The following LNX1 variants were observed in gnomAD, a reference collection of about 807,000 sequenced individuals.
LNX1 encodes the protein E3 ubiquitin-protein ligase LNX.
A neutral mutation model predicts 68.4 loss-of-function variants in LNX1; 54 were observed. That is an observed-to-expected ratio of 0.79 (90% CI 0.63 to 0.99). The LOEUF is 0.99. Among genes scored for constraint, LNX1 ranks in the 50% least tolerant of loss-of-function variants. The pLI is 0.00. For missense variants in LNX1, 906 were observed against 926.4 expected (o/e 0.98, Z 0.29); for synonymous variants, 336 against 350.0 (o/e 0.96, Z 0.45).
chr4:53,509,011 G>T (rs1384940939), intron 2 of LNX1, among the ~76,000 whole-genome samples: 1 of 152,158 alleles, frequency 6.6e-6, no homozygotes, highest in African/African-American at 2.4e-5. Context: ...GCAATAGAAA[G>T]AAGTTGAAAA....
intron 1 of LNX1, among the ~76,000 whole-genome samples, chr4:53,645,422 C>T (rs1181067764): frequency 2.0e-5 from 3 of 152,122 alleles, no homozygotes; most frequent in African/African-American, 7.2e-5. Flanking sequence ...TGTGCACTAC[C>T]ATTGGGGTTA....
intron 2 of LNX1, among the ~76,000 whole-genome samples, chr4:53,527,302 T>G (rs911672900): frequency 6.6e-6 from 1 of 152,238 alleles, no homozygotes; most frequent in African/African-American, 2.4e-5. Context: ...CAAGGATTAT[T>G]TATTCAGTAT....
intron 6 of LNX1, among the ~76,000 whole-genome samples, chr4:53,486,482 C>T (rs1435329560): frequency 6.6e-6 from 1 of 152,186 alleles, no homozygotes; most frequent in Non-Finnish European, 1.5e-5. Flanking sequence ...CTGACAAGCA[C>T]TCTGTCCCCA....
At chr4:53,590,931 A>G (rs1355862231) in intron 1 of LNX1, among the ~76,000 whole-genome samples, 4 of 152,186 alleles carry the variant, frequency 2.6e-5, no homozygotes, top group Non-Finnish European at 1.5e-5. Flanking sequence ...AGAAAAAAAA[A>G]CTAGGGACAC....
At chr4:53,492,506 T>TGAGAGAGAGAGAGAGAGAGA (rs58715153) in intron 6 of LNX1, among the ~76,000 whole-genome samples, 3,104 of 88,822 alleles carry the variant, frequency 0.035, 420 homozygotes, top group Middle Eastern at 0.056. Flanking sequence ...CAGAGGGCTC[T>TGAGAGAGAGAGAGAGAGAGA]GAGAGAGAGA....
chr4:53,459,424 G>T lies in LNX1; in HGVS notation c.*1483C>A. ...AGTGAGCCTGCCCCTGAACAGGAGA[G>T]CACCGAAGCTACACCTGCAGAATAG... On this transcript the variant is annotated 3_prime_UTR_variant, in exon 11 of 11. Transcript: ENST00000263925. The T allele has an allele frequency of 6.2e-7, 1 of 1,613,022 alleles. No homozygotes were observed.
chr4:53,568,748 T>C (rs550802200), intron 2 of LNX1, among the ~76,000 whole-genome samples: 1 of 151,964 alleles, frequency 6.6e-6, no homozygotes, highest in African/African-American at 2.4e-5. Flanking sequence ...GACATGATTG[T>C]ATATCTAGAA....
intron 2 of LNX1, among the ~76,000 whole-genome samples, chr4:53,611,826 TA>T (rs1047916110): frequency 1.3e-5 from 2 of 152,142 alleles, no homozygotes; most frequent in Non-Finnish European, 2.9e-5. Flanking sequence ...TACTGTTATA[TA>T]ATGGGGGTAG....
intron 8 of LNX1, 123 bp downstream of exon 8, chr4:53,478,442 C>T: frequency 1.2e-6 from 1 of 859,882 alleles, no homozygotes; most frequent in Non-Finnish European, 1.7e-6. Flanking sequence ...CAATGGGTAA[C>T]AAAAGTCCTG....
chr4:53,602,467 C>A (rs753422682), intron 2 of LNX1, among the ~76,000 whole-genome samples: 6 of 152,208 alleles, frequency 3.9e-5, no homozygotes, highest in Non-Finnish European at 8.8e-5. Context: ...GGTCCTGCAG[C>A]ACTCAGTCAC....
chr4:53,599,567 C>G (rs1732902289), intron 2 of LNX1, among the ~76,000 whole-genome samples: 1 of 152,188 alleles, frequency 6.6e-6, no homozygotes, highest in African/African-American at 2.4e-5. Context: ...TCACTTTACT[C>G]TGTGGACTCA....
At chr4:53,495,266 T>C (rs912774271) in intron 6 of LNX1, among the ~76,000 whole-genome samples, 1 of 151,844 alleles carries the variant, frequency 6.6e-6, no homozygotes, top group Non-Finnish European at 1.5e-5. Flanking sequence ...TATCTTAAAA[T>C]AAAAAAGCTA....
intron 9 of LNX1, among the ~76,000 whole-genome samples, chr4:53,471,290 G>A (rs1261716498): frequency 2.6e-5 from 4 of 151,934 alleles, no homozygotes; most frequent in African/African-American, 7.3e-5. Context: ...CTAGCCATAC[G>A]TAGAGAGCTG....
At chr4:53,619,446 A>G (rs1733788767), upstream of LNX1, among the ~76,000 whole-genome samples, 1 of 152,194 alleles carries the variant, frequency 6.6e-6, no homozygotes, top group Admixed American at 6.5e-5. Flanking sequence ...GGAATCATGC[A>G]ATATGTGGCC....
upstream of LNX1, among the ~76,000 whole-genome samples, chr4:53,622,491 C>A (rs764671436): frequency 3.3e-5 from 5 of 152,014 alleles, no homozygotes; most frequent in Admixed American, 6.6e-5. Context: ...CCCCTTGTTC[C>A]CTCCCTCACT....
chr4:53,590,793 T>C (rs1176917872), intron 1 of LNX1, among the ~76,000 whole-genome samples: 2 of 152,164 alleles, frequency 1.3e-5, no homozygotes, highest in South Asian at 4.1e-4. Flanking sequence ...CAAAGTCGTA[T>C]TTAAAAGAGT....
At chr4:53,469,081 T>C (rs563053408) in intron 9 of LNX1, among the ~76,000 whole-genome samples, 1 of 152,230 alleles carries the variant, frequency 6.6e-6, no homozygotes, top group Admixed American at 6.5e-5. Flanking sequence ...ACTGACCACA[T>C]AGTTGGAAGT....
chr4:53,520,527 G>A (rs542707763), intron 2 of LNX1, among the ~76,000 whole-genome samples: 148 of 152,322 alleles, frequency 9.7e-4, no homozygotes, highest in Non-Finnish European at 2.0e-3. Context: ...GGGAGGGGGA[G>A]CAGGCAATTT....
chr4:53,523,022 T>A (rs1361856221), intron 2 of LNX1: 1 of 152,194 alleles, frequency 6.6e-6, no homozygotes, highest in Non-Finnish European at 1.5e-5. Flanking sequence ...AACAGACCCA[T>A]TTGGGAAGAT....
Sources: gnomAD v4.1 joint callset for allele counts (sites outside exome capture counted in the v4.1 genomes callset) on GRCh38, gnomAD v4.1.1 for gene constraint, MANE v1.5 for transcripts, NCBI Gene and HGNC (gene_info 2026-07-23, HGNC 2026-07-21) for gene names.